The following DAPK1 variants were observed in gnomAD, a reference collection of about 807,000 sequenced individuals.
DAPK1 encodes death associated protein kinase 1.
In DAPK1, 56 loss-of-function variants were observed where a neutral mutation model predicts 144.9. The ratio of observed to expected loss-of-function variants is 0.39; its 90% confidence interval spans 0.31 to 0.48. DAPK1 has a LOEUF of 0.48. DAPK1 is among the 20% of genes least tolerant of loss of function. The pLI is 0.95. For missense variants in DAPK1, 1,454 were observed against 1,875.4 expected (o/e 0.78, Z 4.15); for synonymous variants, 690 against 749.0 (o/e 0.92, Z 1.29).
At chr9:87,632,406 A>G in intron 3 of DAPK1, 1 of 984,544 alleles carries the variant, frequency 1.0e-6, no homozygotes, top group Non-Finnish European at 1.2e-6. Flanking sequence ...ATGGGTATAC[A>G]TGTAGGGATG....
At position 87,603,822 on chromosome 9, in the gene DAPK1, C is replaced by T. The variant is rs539621431; in HGVS notation, c.63-1132C>T. ...ATCAGTGGGGCCTGTGTACCTCTCACCGTCTCACGCACTTACTGCCTACCC... is the reference window on the plus strand; with the variant it reads ...ATCAGTGGGGCCTGTGTACCTCTCATCGTCTCACGCACTTACTGCCTACCC... On this transcript the variant is annotated intron_variant, in intron 2 of 25. Coordinates refer to ENST00000408954, the MANE Select transcript of DAPK1 (RefSeq NM_004938.4). 2.0e-5 allele frequency among the ~76,000 whole-genome samples: 3 copies of T among 152,242 alleles called. No individual in the cohort carries two copies. In the East Asian group the frequency reaches 5.8e-4, roughly 29 times the overall value.
intron 3 of DAPK1, among the ~76,000 whole-genome samples, chr9:87,611,314 T>C (rs1218602495): frequency 6.6e-6 from 1 of 152,194 alleles, no homozygotes; most frequent in Admixed American, 6.5e-5. Context: ...TTTGCATTTT[T>C]ATTTAATTTT....
At chr9:87,640,225 G>A in intron 7 of DAPK1, 73 bp from the exon 8 acceptor site, 1 of 1,411,170 alleles carries the variant, frequency 7.1e-7, no homozygotes, top group African/African-American at 1.4e-5. Context: ...CCACACTCCA[G>A]ATGTTATAGG....
At chr9:87,574,073 A>C (rs1240768527) in intron 2 of DAPK1, among the ~76,000 whole-genome samples, 1 of 152,194 alleles carries the variant, frequency 6.6e-6, no homozygotes, top group Non-Finnish European at 1.5e-5. Context: ...ATGATTCCTC[A>C]TGCATTAGCC....
chr9:87,669,587 A>G (rs1831185181), intron 19 of DAPK1, among the ~76,000 whole-genome samples: 1 of 152,222 alleles, frequency 6.6e-6, no homozygotes, highest in Non-Finnish European at 1.5e-5. Context: ...AAATAAAATG[A>G]TAATTCATTT....
chr9:87,672,323 G>T (rs559052867), intron 19 of DAPK1, among the ~76,000 whole-genome samples: 4 of 152,180 alleles, frequency 2.6e-5, no homozygotes, highest in African/African-American at 7.2e-5. Context: ...TTACAGAGGG[G>T]AATGTTGCTG....
rs367912181 is a variant in DAPK1, at chr9:87,633,502, A to T, written c.285-4441A>T. The T allele has an allele frequency of 1.6e-4, 63 of 396,008 alleles. No individual in the cohort carries two copies. The East Asian group carries it at 7.8e-3, about 49-fold the overall frequency. 24.5% of individuals were successfully genotyped at this position (396,008 alleles called of 1,614,324 possible). A position where few individuals can be genotyped will look rare whatever the true frequency, so the allele number is the denominator to read the frequency against. On this transcript the variant is annotated intron_variant, in intron 3 of 25. Coordinates refer to ENST00000408954, the MANE Select transcript of DAPK1 (RefSeq NM_004938.4). ...CAGCCATGACATGGACTGCTTCATA[A>T]CAAGTTGAGATTTGAACAGGGACTT... is the stretch of plus-strand genomic sequence containing the variant.
At chr9:87,534,259 T>TG (rs1554678284) in intron 2 of DAPK1, among the ~76,000 whole-genome samples, 25 of 2,668 alleles carry the variant, frequency 9.4e-3, no homozygotes, top group African/African-American at 0.084. Flanking sequence ...TTTTTTTTTG[T>TG]TTTTTTTTTT....
At chr9:87,611,145 C>G (rs539299337) in intron 3 of DAPK1, among the ~76,000 whole-genome samples, 21 of 152,150 alleles carry the variant, frequency 1.4e-4, no homozygotes, top group Non-Finnish European at 2.4e-4. Context: ...GGGCAAGATG[C>G]ACACTTAGCA....
At chr9:87,590,469 A>G (rs1030494654) in intron 2 of DAPK1, among the ~76,000 whole-genome samples, 1 of 151,978 alleles carries the variant, frequency 6.6e-6, no homozygotes, top group South Asian at 2.1e-4. Context: ...AACTCTGATC[A>G]GCCATTTTAA....
At chr9:87,589,707 T>C (rs546523141) in intron 2 of DAPK1, among the ~76,000 whole-genome samples, 2 of 152,256 alleles carry the variant, frequency 1.3e-5, no homozygotes, top group Non-Finnish European at 2.9e-5. Context: ...TTCCAAGTTC[T>C]GTCAGTGAGT....
At chr9:87,627,465 T>C (rs1374307610) in intron 3 of DAPK1, among the ~76,000 whole-genome samples, 1 of 152,144 alleles carries the variant, frequency 6.6e-6, no homozygotes, top group East Asian at 1.9e-4. Flanking sequence ...ACCTCCTCCC[T>C]GCTCAGCCCA....
At chr9:87,589,055 ATTTTTT>A (rs35875159) in intron 2 of DAPK1, among the ~76,000 whole-genome samples, 3 of 101,170 alleles carry the variant, frequency 3.0e-5, no homozygotes, top group Admixed American at 2.2e-4. Flanking sequence ...CGCCCGGCTA[ATTTTTT>A]TTTTTTTTTT....
In DAPK1 at chr9:87,700,099, C is replaced by G; in HGVS notation, c.2751-18C>G. ...GGACATTGACTCACTGCTGAGGAGG[C>G]TGCTGCTCTTCCCTTAGGTTTGGAA... On this transcript the variant is annotated intron_variant, in intron 23 of 25. Coordinates refer to ENST00000408954, the MANE Select transcript of DAPK1 (RefSeq NM_004938.4). The G allele has an allele frequency of 6.2e-7, 1 of 1,607,818 alleles. No homozygotes were observed. The highest frequency in any genetic ancestry group is 2.2e-5 in the East Asian group (1 of 44,854).
intron 2 of DAPK1, among the ~76,000 whole-genome samples, chr9:87,567,535 G>A (rs1044883794): frequency 6.6e-6 from 1 of 152,140 alleles, no homozygotes; most frequent in Non-Finnish European, 1.5e-5. Context: ...TTGGAGTTGC[G>A]GGGTCAGACT....
At chr9:87,539,126 CAT>C (rs551526157) in intron 2 of DAPK1, among the ~76,000 whole-genome samples, 427 of 151,226 alleles carry the variant, frequency 2.8e-3, no homozygotes, top group Non-Finnish European at 5.0e-3. Flanking sequence ...TATGTATAAA[CAT>C]ATGGATGCTA....
At chr9:87,508,650 C>T (rs1467078624) in intron 2 of DAPK1, among the ~76,000 whole-genome samples, 1 of 152,146 alleles carries the variant, frequency 6.6e-6, no homozygotes, top group African/African-American at 2.4e-5. Flanking sequence ...CCACGATTGT[C>T]AGGATTTTTG....
chr9:87,666,028 A>C (rs1257785989), intron 18 of DAPK1, among the ~76,000 whole-genome samples: 1 of 152,224 alleles, frequency 6.6e-6, no homozygotes, highest in Non-Finnish European at 1.5e-5. Context: ...CGGGGTGTCC[A>C]GTAGAGCCAA....
intron 2 of DAPK1, among the ~76,000 whole-genome samples, chr9:87,504,059 G>T (rs1273692666): frequency 6.6e-6 from 1 of 152,140 alleles, no homozygotes; most frequent in Non-Finnish European, 1.5e-5. Flanking sequence ...AACCCTGTGT[G>T]GCTCATAGAA....
Sources: gnomAD v4.1 joint callset for allele counts (sites outside exome capture counted in the v4.1 genomes callset) on GRCh38, gnomAD v4.1.1 for gene constraint, MANE v1.5 for transcripts, NCBI Gene and HGNC (gene_info 2026-07-23, HGNC 2026-07-21) for gene names.